The following SNRPN variants were observed in gnomAD, a reference collection of about 807,000 sequenced individuals.
The protein encoded by SNRPN is small nuclear ribonucleoprotein-associated protein N.
In SNRPN, 7 loss-of-function variants were observed where a neutral mutation model predicts 25.2. The observed-to-expected ratio is 0.28, with a 90% CI of 0.16 to 0.52. The LOEUF is 0.52. Among genes scored for constraint, SNRPN ranks in the 20% least tolerant of loss-of-function variants. SNRPN has a pLI of 0.96. For synonymous variants in SNRPN, 124 were observed against 110.6 expected (o/e 1.12, Z -0.76); for missense variants, 196 against 322.5 (o/e 0.61, Z 3.00).
intron 1 of SNRPN, among the ~76,000 whole-genome samples, chr15:24,882,823 C>CAAAAAAAAAAAAAA (rs10543501): frequency 7.1e-5 from 9 of 127,148 alleles, no homozygotes; most frequent in African/African-American, 2.1e-4. Flanking sequence ...GACTCCATCT[C>CAAAAAAAAAAAAAA]AAAAAAAAAA....
chr15:24,909,562 A>T (rs1447464708), intron 2 of SNRPN: 1 of 1,415,246 alleles, frequency 7.1e-7, no homozygotes, highest in Non-Finnish European at 9.9e-7. Context: ...CAACCTTCAC[A>T]CCATATTTTG....
At chr15:24,907,651 G>A (rs1045422056) in intron 2 of SNRPN, among the ~76,000 whole-genome samples, 4 of 151,944 alleles carry the variant, frequency 2.6e-5, no homozygotes, top group Admixed American at 6.6e-5. Flanking sequence ...ATAGTATGTT[G>A]CCCAGGCTGG....
chr15:24,841,518 G>GT (rs1417333403), intron 2 of SNRPN, among the ~76,000 whole-genome samples: 1 of 152,126 alleles, frequency 6.6e-6, no homozygotes, highest in African/African-American at 2.4e-5. Context: ...ACATTGTCAT[G>GT]TGGGTTCCGG....
Position 24,969,942 on chromosome 15 carries a change from C to T in SNRPN, c.-144+1860C>T, listed in dbSNP as rs562158860. Among the ~76,000 whole-genome samples the T allele has an allele frequency of 1.4e-4, 21 of 152,278 alleles. No individual in the cohort carries two copies. In the East Asian group the frequency reaches 4.1e-3, roughly 29 times the overall value. ...TGAGTAGTTGTGACAGATTGAATGA[C>T]AGGCAAAGCCTAAAATACTTAGTAT... On this transcript the variant is annotated intron_variant, in intron 3 of 9. Transcript: ENST00000390687.
chr15:24,827,328 C>A (rs907725979), intron 1 of SNRPN, among the ~76,000 whole-genome samples: 1 of 147,010 alleles, frequency 6.8e-6, no homozygotes, highest in African/African-American at 2.5e-5. Context: ...TCCTGGCTAA[C>A]ACGGTGAAAC....
chr15:24,963,311 C>G (rs1192703440), intron 2 of SNRPN, among the ~76,000 whole-genome samples: 2 of 152,154 alleles, frequency 1.3e-5, no homozygotes, highest in Non-Finnish European at 2.9e-5. Context: ...ATGAAAAGAA[C>G]AGTCACTTTG....
intron 2 of SNRPN, among the ~76,000 whole-genome samples, chr15:24,915,447 C>T (rs2059453664): frequency 1.3e-5 from 2 of 152,232 alleles, no homozygotes; most frequent in East Asian, 3.9e-4. Flanking sequence ...TCTTGATAAA[C>T]AGACTTCCTT....
intron 2 of SNRPN, among the ~76,000 whole-genome samples, chr15:24,841,777 A>T (rs2051728052): frequency 6.6e-6 from 1 of 152,044 alleles, no homozygotes; most frequent in Non-Finnish European, 1.5e-5. Context: ...CTGGGCTGAC[A>T]TTGTACGTGT....
chr15:24,899,964 T>C (rs553737773), intron 2 of SNRPN, among the ~76,000 whole-genome samples: 20 of 152,314 alleles, frequency 1.3e-4, no homozygotes, highest in Middle Eastern at 3.4e-3. Flanking sequence ...CATTCCTTTA[T>C]GTTTGGGCAC....
intron 2 of SNRPN, among the ~76,000 whole-genome samples, chr15:24,914,252 A>G (rs2059392367): frequency 6.6e-6 from 1 of 152,196 alleles, no homozygotes; most frequent in South Asian, 2.1e-4. Context: ...CTGGCCTCCC[A>G]CAAGAGCCAG....
chr15:24,972,460 T>C (rs748777797), intron 3 of SNRPN, among the ~76,000 whole-genome samples: 15 of 152,030 alleles, frequency 9.9e-5, no homozygotes, highest in Admixed American at 6.6e-4. Flanking sequence ...TTGAGATCTT[T>C]ATAGGTTTTA....
At chr15:24,957,814 T>C (rs1299899821) in intron 1 of SNRPN, among the ~76,000 whole-genome samples, 2 of 152,184 alleles carry the variant, frequency 1.3e-5, no homozygotes, top group Non-Finnish European at 2.9e-5. Context: ...TTTGGCTATT[T>C]GCAAGCTGAG....
chr15:24,829,558 G>A lies in SNRPN; in HGVS notation c.-686-240G>A, dbSNP rs554228810. Among the ~76,000 whole-genome samples the A allele has an allele frequency of 1.1e-3, 173 of 152,170 alleles. 1 individual carries two copies. The highest frequency in any genetic ancestry group is 3.9e-3 in the African/African-American group (163 of 41,454). ...GAGGGTGCCGGGCAGCTCAGAAAGT[G>A]ATGCAGGGGCCGCTCTCTGAGGACT... On this transcript the variant is annotated intron_variant, in intron 1 of 12. Coordinates refer to the SNRPN transcript ENST00000400100.
upstream of SNRPN, among the ~76,000 whole-genome samples, chr15:24,951,821 T>TC (rs1436203684): frequency 1.3e-5 from 2 of 152,190 alleles, no homozygotes; most frequent in African/African-American, 4.8e-5. Flanking sequence ...TACTAACACT[T>TC]CTTTATACAT....
chr15:24,905,809 G>A (rs2058761714), intron 2 of SNRPN, among the ~76,000 whole-genome samples: 1 of 152,194 alleles, frequency 6.6e-6, no homozygotes, highest in Non-Finnish European at 1.5e-5. Context: ...GTGAAGTTAG[G>A]AAGGTAGTGA....
At chr15:24,833,766 G>A (rs4028396) in intron 2 of SNRPN, among the ~76,000 whole-genome samples, 21,399 of 151,930 alleles carry the variant, frequency 0.14, 1,745 homozygotes, top group East Asian at 0.28. Flanking sequence ...AAGAGAGGTT[G>A]TTGTTTAATG....
chr15:24,868,683 A>G (rs1303751470), intron 1 of SNRPN, among the ~76,000 whole-genome samples: 1 of 152,162 alleles, frequency 6.6e-6, no homozygotes, highest in Non-Finnish European at 1.5e-5. Flanking sequence ...ATTATTTTGT[A>G]TAACCTGAAT....
chr15:24,879,061 T>G (rs1173515014), intron 1 of SNRPN, among the ~76,000 whole-genome samples: 1 of 152,056 alleles, frequency 6.6e-6, no homozygotes, highest in Non-Finnish European at 1.5e-5. Context: ...TTAAATATAG[T>G]CCTCCGGAAT....
intron 3 of SNRPN, among the ~76,000 whole-genome samples, chr15:24,943,452 A>G (rs745849802): frequency 2.0e-5 from 3 of 152,124 alleles, no homozygotes; most frequent in Non-Finnish European, 4.4e-5. Context: ...AAAGCAGTGT[A>G]GCAGGAGTGG....
Sources: allele counts gnomAD v4.1 joint callset (sites outside exome capture counted in the v4.1 genomes callset), GRCh38; gene constraint gnomAD v4.1.1; transcripts MANE v1.5; gene names NCBI Gene and HGNC (gene_info 2026-07-23, HGNC 2026-07-21).